PTPRN2: variants seen among roughly 807,000 people sequenced by gnomAD.
PTPRN2 encodes the protein protein tyrosine phosphatase receptor type N2, also known as receptor-type tyrosine-protein phosphatase N2.
A neutral mutation model predicts 118.8 loss-of-function variants in PTPRN2; 74 were observed. That is an observed-to-expected ratio of 0.62 (90% CI 0.52 to 0.76). The LOEUF (loss-of-function observed/expected upper bound fraction) is 0.76. Among genes scored for constraint, PTPRN2 ranks in the 30% least tolerant of loss-of-function variants. The pLI is 0.00. For synonymous variants in PTPRN2, 641 were observed against 608.0 expected (o/e 1.05, Z -0.80); for missense variants, 1,481 against 1,394.4 (o/e 1.06, Z -0.99).
intron 3 of PTPRN2, among the ~76,000 whole-genome samples, chr7:158,274,002 A>AGGGAGCCGCAGACACAGG (rs1479778604): frequency 9.7e-6 from 1 of 103,014 alleles, no homozygotes; most frequent in Non-Finnish European, 1.9e-5. Context: ...CCGCAGACAC[A>AGGGAGCCGCAGACACAGG]GGGAGCCGCA....
intron 12 of PTPRN2, among the ~76,000 whole-genome samples, chr7:157,879,449 ATCTTT>A (rs1189419242): frequency 6.6e-6 from 1 of 152,216 alleles, no homozygotes; most frequent in Non-Finnish European, 1.5e-5. Flanking sequence ...TGCAGCTCCC[ATCTTT>A]TCTTTTTAAA....
At chr7:158,028,502 C>G (rs1396369184) in intron 11 of PTPRN2, 1 of 152,628 alleles carries the variant, frequency 6.6e-6, no homozygotes, top group African/African-American at 2.4e-5. Flanking sequence ...GCAGCCAGAG[C>G]CTGCAAGGCC....
At chr7:158,185,395 C>G (rs2150674282) in intron 5 of PTPRN2, among the ~76,000 whole-genome samples, 2 of 152,332 alleles carry the variant, frequency 1.3e-5, no homozygotes, top group African/African-American at 4.8e-5. Flanking sequence ...TTCAAATCTT[C>G]TCTATCCTTA....
rs1472243017 is a variant in PTPRN2 at position 157,748,493 on chromosome 7, G to C, written c.1789-65556C>G. Among the ~76,000 whole-genome samples the C allele has an allele frequency of 3.5e-4, 44 of 124,024 alleles. 1 individual carries two copies. The highest frequency in any genetic ancestry group is 9.1e-4 in the Admixed American group (10 of 10,982). The allele number at this position is 124,024 out of a possible 152,430, so 81.4% of individuals were successfully genotyped here. A position where few individuals can be genotyped will look rare whatever the true frequency, so the allele number is the denominator to read the frequency against. ...CTGAGGCCTGCGTCCCTGAGCTGCG[G>C]AGTGTCTGGGTGATTCTTAGGTCTG... On this transcript the variant is annotated intron_variant, in intron 12 of 22. Transcript: ENST00000389418.
chr7:157,932,084 A>G (rs931302778), intron 11 of PTPRN2, among the ~76,000 whole-genome samples: 1 of 152,216 alleles, frequency 6.6e-6, no homozygotes, highest in Non-Finnish European at 1.5e-5. Context: ...CTATATTTAT[A>G]TTTACACTGA....
At chr7:158,174,899 G>A (rs760819958) in intron 5 of PTPRN2, among the ~76,000 whole-genome samples, 7 of 152,100 alleles carry the variant, frequency 4.6e-5, no homozygotes, top group Middle Eastern at 3.2e-3. Flanking sequence ...CAACTTTACT[G>A]GGGCCGGGAG....
At chr7:158,337,279 A>T (rs796769265) in intron 2 of PTPRN2, among the ~76,000 whole-genome samples, 3,502 of 105,726 alleles carry the variant, frequency 0.033, no homozygotes, top group Middle Eastern at 0.099. Context: ...ACTCAAACTC[A>T]CACTCTCACC....
At chr7:158,452,867 G>A (rs1818183733) in intron 2 of PTPRN2, among the ~76,000 whole-genome samples, 1 of 152,242 alleles carries the variant, frequency 6.6e-6, no homozygotes, top group South Asian at 2.1e-4. Flanking sequence ...CTCCTCCAGA[G>A]TAACACGGGG....
chr7:157,847,154 G>A (rs1381011820), intron 12 of PTPRN2, among the ~76,000 whole-genome samples: 1 of 136,968 alleles, frequency 7.3e-6, no homozygotes, highest in African/African-American at 2.8e-5. Flanking sequence ...CATCATGCGT[G>A]CCCGATGTCG....
intron 17 of PTPRN2, among the ~76,000 whole-genome samples, chr7:157,580,935 C>G (rs1585059201): frequency 7.4e-6 from 1 of 135,500 alleles, no homozygotes; most frequent in Non-Finnish European, 1.6e-5. Flanking sequence ...CGAGCCCCTG[C>G]ACACCCCAGC....
In PTPRN2 at chr7:158,486,437, C is replaced by T. The variant is rs78800086; in HGVS notation, c.163+3298G>A. On this transcript the variant is annotated intron_variant, in intron 2 of 22. Coordinates refer to ENST00000389418, the MANE Select transcript of PTPRN2 (RefSeq NM_002847.5). ...AAGTTATCAACCATGAAATCAAATC[C>T]GCTTTAAAAATTCTTTGAAACCTGT... Among the ~76,000 whole-genome samples the T allele has an allele frequency of 9.8e-3, 1,494 of 152,298 alleles. 23 individuals are homozygous for T. Among genetic ancestry groups the T allele is most frequent in the African/African-American group, 0.034 (1,407 of 41,556 alleles).
intron 9 of PTPRN2, among the ~76,000 whole-genome samples, chr7:158,129,892 G>A (rs916310565): frequency 2.0e-5 from 3 of 152,158 alleles, no homozygotes; most frequent in Non-Finnish European, 4.4e-5. Flanking sequence ...AGACAGACAC[G>A]TGGGACGCCT....
At position 157,592,319 on chromosome 7, in the gene PTPRN2, C is replaced by T. The variant is rs78918306; in HGVS notation, c.2496+2919G>A. Among the ~76,000 whole-genome samples the T allele has an allele frequency of 3.6e-3, 555 of 152,342 alleles. 3 individuals are homozygous for T. Among genetic ancestry groups the T allele is most frequent in the African/African-American group, 0.012 (519 of 41,560 alleles). ...TTCACTAGCCACAGGAATCTGGGCACGCTATGAGCCTCTGAGTCTCACGGA... is the reference window on the plus strand; with the variant it reads ...TTCACTAGCCACAGGAATCTGGGCATGCTATGAGCCTCTGAGTCTCACGGA... On this transcript the variant is annotated intron_variant, in intron 17 of 22. Coordinates refer to ENST00000389418, the MANE Select transcript of PTPRN2 (RefSeq NM_002847.5).
chr7:158,120,717 C>A (rs889597141), intron 9 of PTPRN2, among the ~76,000 whole-genome samples: 2 of 152,204 alleles, frequency 1.3e-5, no homozygotes, highest in Non-Finnish European at 2.9e-5. Flanking sequence ...TGGATGTCTG[C>A]TCTAACCCAG....
chr7:157,707,199 A>T (rs1798377428), intron 12 of PTPRN2, among the ~76,000 whole-genome samples: 1 of 151,674 alleles, frequency 6.6e-6, no homozygotes, highest in Admixed American at 6.6e-5. Context: ...GCATACACGC[A>T]CACACACAAC....
chr7:157,902,683 C>A (rs1417189998), intron 11 of PTPRN2, among the ~76,000 whole-genome samples: 1 of 152,240 alleles, frequency 6.6e-6, no homozygotes, highest in Non-Finnish European at 1.5e-5. Context: ...TTCTTTAACC[C>A]ATTGATCACT....
chr7:158,545,241 A>G (rs1412336644), intron 1 of PTPRN2, among the ~76,000 whole-genome samples: 3 of 152,228 alleles, frequency 2.0e-5, no homozygotes, highest in African/African-American at 4.8e-5. Flanking sequence ...GAAAAGCACA[A>G]ATAACAGATT....
intron 6 of PTPRN2, among the ~76,000 whole-genome samples, chr7:158,138,951 C>T (rs531303631): frequency 1.9e-4 from 26 of 134,978 alleles, no homozygotes; most frequent in African/African-American, 1.0e-3. Flanking sequence ...GCCCAGGACA[C>T]CCTGCCCAGC....
intron 11 of PTPRN2, among the ~76,000 whole-genome samples, chr7:157,904,043 G>GT (rs1390010049): frequency 3.3e-5 from 5 of 152,198 alleles, no homozygotes; most frequent in Non-Finnish European, 5.9e-5. Context: ...TATCTGCTGC[G>GT]TGTCTGAGAC....
Sources: allele counts gnomAD v4.1 joint callset (sites outside exome capture counted in the v4.1 genomes callset), GRCh38; gene constraint gnomAD v4.1.1; transcripts MANE v1.5; gene names NCBI Gene and HGNC (gene_info 2026-07-23, HGNC 2026-07-21).